The following DTHD1 variants were observed in gnomAD, a reference collection of about 807,000 sequenced individuals.
The protein encoded by DTHD1 is death domain-containing protein 1.
In DTHD1, 59 loss-of-function variants were observed where a neutral mutation model predicts 74.8. The observed-to-expected ratio is 0.79, with a 90% CI of 0.64 to 0.98. DTHD1 has a LOEUF of 0.98. DTHD1 is among the 50% of genes least tolerant of loss of function. DTHD1 has a pLI of 0.00. For missense variants in DTHD1, 1,051 were observed against 1,065.4 expected (o/e 0.99, Z 0.19); for synonymous variants, 365 against 371.1 (o/e 0.98, Z 0.19).
chr4:36,295,668 G>A (rs1756354323), intron 5 of DTHD1, among the ~76,000 whole-genome samples: 1 of 152,042 alleles, frequency 6.6e-6, no homozygotes, highest in Admixed American at 6.6e-5. Flanking sequence ...GAGAATTACA[G>A]TTACCTGGAG....
intron 9 of DTHD1, among the ~76,000 whole-genome samples, chr4:36,340,469 G>A (rs11945618): frequency 0.48 from 73,412 of 151,976 alleles, 18,353 homozygotes; most frequent in African/African-American, 0.62. Flanking sequence ...GAACATTAGG[G>A]CTTGGGTGCA....
chr4:36,282,738 G>A (rs774727058), intron 1 of DTHD1, among the ~76,000 whole-genome samples: 1 of 152,258 alleles, frequency 6.6e-6, no homozygotes, highest in East Asian at 1.9e-4. Context: ...TAAGTGGGCA[G>A]GTTCCATCTA....
At chr4:36,332,873 T>C (rs1758778563) in intron 8 of DTHD1, 1 of 152,182 alleles carries the variant, frequency 6.6e-6, no homozygotes, top group African/African-American at 2.4e-5. Context: ...AAAGTTTATA[T>C]AACTCAGATT....
At chr4:36,341,064 G>C (rs746869733) in intron 9 of DTHD1, among the ~76,000 whole-genome samples, 1 of 152,178 alleles carries the variant, frequency 6.6e-6, no homozygotes, top group Non-Finnish European at 1.5e-5. Context: ...AGATTGGAAA[G>C]AAAGGCTTCA....
At chr4:36,284,816 G>C (rs930220385) in intron 2 of DTHD1, among the ~76,000 whole-genome samples, 2 of 152,124 alleles carry the variant, frequency 1.3e-5, no homozygotes, top group African/African-American at 2.4e-5. Context: ...TTCATAGAAG[G>C]TGCCTTCTTG....
chr4:36,286,204 C>T (rs1755701859), intron 2 of DTHD1, among the ~76,000 whole-genome samples: 1 of 152,196 alleles, frequency 6.6e-6, no homozygotes, highest in Non-Finnish European at 1.5e-5. Context: ...CTAAAGTAGT[C>T]TATATGTGGT....
At chr4:36,304,011 G>A (rs191674501) in intron 5 of DTHD1, among the ~76,000 whole-genome samples, 10 of 152,312 alleles carry the variant, frequency 6.6e-5, no homozygotes, top group Admixed American at 5.2e-4. Flanking sequence ...GCCAGGAAGT[G>A]TAACCCTGTC....
chr4:36,298,962 A>G (rs2109474821), intron 5 of DTHD1, among the ~76,000 whole-genome samples: 1 of 152,278 alleles, frequency 6.6e-6, no homozygotes, highest in South Asian at 2.1e-4. Context: ...AAGTCACACC[A>G]TATAATGAAA....
chr4:36,296,104 T>C (rs1198721341), intron 5 of DTHD1, among the ~76,000 whole-genome samples: 2 of 152,254 alleles, frequency 1.3e-5, no homozygotes, highest in East Asian at 3.9e-4. Flanking sequence ...AAACCGATTA[T>C]GTAAAAAAGG....
At chr4:36,293,184 C>T (rs1267137151) in intron 3 of DTHD1, among the ~76,000 whole-genome samples, 1 of 152,138 alleles carries the variant, frequency 6.6e-6, no homozygotes, top group Non-Finnish European at 1.5e-5. Context: ...TATTTAAAAT[C>T]GATTCTCGCT....
At position 36,346,353 on chromosome 4, in the gene DTHD1, CACAT is replaced by C. The variant is rs1264190093; in HGVS notation, c.*2533_*2536del. Among the ~76,000 whole-genome samples the C allele has an allele frequency of 1.3e-5, 2 of 152,080 alleles. No homozygotes were observed. Among genetic ancestry groups the C allele is most frequent in the African/African-American group, 2.4e-5 (1 of 41,418 alleles). On this transcript the variant is annotated 3_prime_UTR_variant, in exon 10 of 10. Transcript: ENST00000639862. ...CTCCCGTCTTTCTTTCTCTCTCTCA[CACAT>C]ACACTCACATACATTCACTCACAGC...
intron 9 of DTHD1, among the ~76,000 whole-genome samples, chr4:36,342,177 C>T (rs1759350098): frequency 6.6e-6 from 1 of 152,134 alleles, no homozygotes; most frequent in South Asian, 2.1e-4. Context: ...GAAAAGCCTG[C>T]CCAGATAACA....
At chr4:36,284,839 A>C (rs948172788) in intron 2 of DTHD1, among the ~76,000 whole-genome samples, 4 of 152,186 alleles carry the variant, frequency 2.6e-5, no homozygotes, top group Non-Finnish European at 5.9e-5. Context: ...GTGTCCTCAC[A>C]TGGTGGAAAA....
chr4:36,322,487 A>G (rs1440826407), intron 8 of DTHD1, among the ~76,000 whole-genome samples: 1 of 152,090 alleles, frequency 6.6e-6, no homozygotes, highest in East Asian at 1.9e-4. Context: ...CGAGCTGAGG[A>G]GCAACCGGAG....
chr4:36,309,654 CA>C (rs1170987083), intron 7 of DTHD1, among the ~76,000 whole-genome samples: 1 of 152,058 alleles, frequency 6.6e-6, no homozygotes, highest in Non-Finnish European at 1.5e-5. Flanking sequence ...CTGGTATATC[CA>C]AAACTTTTTT....
intron 6 of DTHD1, among the ~76,000 whole-genome samples, chr4:36,307,322 G>A (rs898555340): frequency 3.3e-5 from 5 of 152,232 alleles, no homozygotes; most frequent in African/African-American, 1.2e-4. Context: ...TCCAAGGGCT[G>A]TGAGGGAAGG....
At chr4:36,323,722 G>A (rs576975727) in intron 8 of DTHD1, among the ~76,000 whole-genome samples, 1 of 152,176 alleles carries the variant, frequency 6.6e-6, no homozygotes, top group East Asian at 1.9e-4. Flanking sequence ...ATAACTTAGT[G>A]TCATGCTTTC....
intron 7 of DTHD1, among the ~76,000 whole-genome samples, chr4:36,309,884 T>C (rs192063535): frequency 3.3e-5 from 5 of 152,342 alleles, no homozygotes; most frequent in Non-Finnish European, 7.4e-5. Context: ...GTCTCCAGTT[T>C]CTATTGTTGC....
intron 7 of DTHD1, chr4:36,315,663 G>GGTATATAT (rs1757670059): frequency 3.3e-5 from 5 of 152,184 alleles, no homozygotes; most frequent in Admixed American, 6.5e-5. Flanking sequence ...TCTAAATGCT[G>GGTATATAT]CAAAAGCTGA....
Sources: gnomAD v4.1 joint callset for allele counts (sites outside exome capture counted in the v4.1 genomes callset) on GRCh38, gnomAD v4.1.1 for gene constraint, MANE v1.5 for transcripts, NCBI Gene and HGNC (gene_info 2026-07-23, HGNC 2026-07-21) for gene names.